The following SATB2 variants were observed in gnomAD, a reference collection of about 807,000 sequenced individuals.
The protein encoded by SATB2 is DNA-binding protein SATB2.
In SATB2, 1 loss-of-function variant was observed where a neutral mutation model predicts 73.4. The ratio of observed to expected loss-of-function variants is 0.01; its 90% CI spans 0.00 to 0.06. SATB2 has a LOEUF of 0.06. Ranked by LOEUF, SATB2 falls within the 10% of genes least tolerant of loss-of-function variation. The pLI, the probability that SATB2 is intolerant of heterozygous loss-of-function variation, is 1.00. For missense variants in SATB2, 459 were observed against 945.8 expected, an observed-to-expected ratio of 0.49 and a Z score of 6.75; for synonymous variants, 397 against 367.0, an observed-to-expected ratio of 1.08 and a Z score of -0.93.
At chr2:199,281,480 T>TACACAC (rs770015505) in intron 10 of SATB2, among the ~76,000 whole-genome samples, 5 of 15,106 alleles carry the variant, frequency 3.3e-4, no homozygotes, top group East Asian at 0.014. Context: ...ATATGAGATA[T>TACACAC]ATACACACAC....
intron 9 of SATB2, among the ~76,000 whole-genome samples, chr2:199,321,494 G>GTATATATGTA (rs1559160120): frequency 3.7e-4 from 55 of 150,578 alleles, no homozygotes; most frequent in Admixed American, 5.3e-4. Flanking sequence ...GTATATATGT[G>GTATATATGTA]TATATACACA....
chr2:199,427,562 G>A (rs908015147), intron 3 of SATB2, among the ~76,000 whole-genome samples: 1 of 151,828 alleles, frequency 6.6e-6, no homozygotes, highest in African/African-American at 2.4e-5. Flanking sequence ...AAATATTATG[G>A]ATAAAATATA....
chr2:199,319,442 C>T (rs1017674972), intron 9 of SATB2, among the ~76,000 whole-genome samples: 4 of 152,080 alleles, frequency 2.6e-5, no homozygotes, highest in Admixed American at 1.3e-4. Context: ...TCTGGCACTA[C>T]CCCCTTTCAT....
rs561350751 is a variant in SATB2 at position 199,446,813 on chromosome 2, G to A, written c.169+9056C>T. On this transcript the variant is annotated intron_variant, in intron 2 of 10. Transcript: ENST00000417098. ...ACTCTAAAAGGGATGATAAATGCTC[G>A]GGAGAGTTCTGAAATTATGAGACCT... Among the ~76,000 whole-genome samples the A allele has an allele frequency of 5.9e-5, 9 of 152,194 alleles. No homozygotes were observed. In the East Asian group the frequency reaches 7.7e-4, roughly 13 times the overall value.
Position 199,313,745 on chromosome 2 carries a change from T to C in SATB2, c.1543-4788A>G, listed in dbSNP as rs1687656213. On this transcript the variant is annotated intron_variant, in intron 9 of 10. Transcript: ENST00000417098. The stretch of plus-strand genomic sequence containing the variant: ...TTCTTTCTGGAAGATGAATAAAAAA[T>C]TCCTAGTTTATCTTTTATTAAGTTG... Among the ~76,000 whole-genome samples, 3 of 152,220 alleles carry C rather than the reference T, an allele frequency of 2.0e-5. No homozygotes were observed. In the South Asian group the frequency reaches 6.2e-4, roughly 31 times the overall value.
At chr2:199,428,768 A>G (rs1691410325) in intron 3 of SATB2, among the ~76,000 whole-genome samples, 1 of 152,206 alleles carries the variant, frequency 6.6e-6, no homozygotes, top group Non-Finnish European at 1.5e-5. Context: ...ATAGTGGCTC[A>G]CACCTTTAAT....
At chr2:199,459,437 G>A (rs1692410728), upstream of SATB2, among the ~76,000 whole-genome samples, 1 of 152,178 alleles carries the variant, frequency 6.6e-6, no homozygotes, top group Non-Finnish European at 1.5e-5. This position sits in a 1 kb window ranked among gnomAD's most constrained non-coding sequence, Gnocchi z 4.2. Context: ...TTCCGCTTGG[G>A]CGCGCTGCCT....
In SATB2 at chr2:199,272,181, A is replaced by G; in HGVS notation, c.*30T>C. On this transcript the variant is annotated 3_prime_UTR_variant, in exon 11 of 11. Transcript: ENST00000417098. The surrounding 1 kb of genome is among the most constrained non-coding windows in gnomAD (Gnocchi z 6.7). Reference sequence around the variant, plus strand: ...ATGAAAGCAGAAAATCCTTGGACCGATGTATTGCTTTGCCTAGTAGAAGTT... The same window carrying G: ...ATGAAAGCAGAAAATCCTTGGACCGGTGTATTGCTTTGCCTAGTAGAAGTT... 6.3e-7 allele frequency: 1 copy of G among 1,584,468 alleles called. No homozygotes were observed. Among genetic ancestry groups the G allele is most frequent in the Non-Finnish European group, 8.7e-7 (1 of 1,153,792 alleles).
chr2:199,452,978 G>A (rs990051394), intron 2 of SATB2, among the ~76,000 whole-genome samples: 5 of 152,034 alleles, frequency 3.3e-5, no homozygotes, highest in African/African-American at 1.2e-4. Flanking sequence ...TAAGTCCCCT[G>A]TTAAAACACA....
intron 6 of SATB2, among the ~76,000 whole-genome samples, chr2:199,353,468 T>C (rs1288179481): frequency 6.6e-6 from 1 of 152,050 alleles, no homozygotes; most frequent in Non-Finnish European, 1.5e-5. Flanking sequence ...TTTACCTAAA[T>C]TGAAAACATT....
chr2:199,289,978 G>A (rs1243081285), intron 10 of SATB2, among the ~76,000 whole-genome samples: 1 of 152,194 alleles, frequency 6.6e-6, no homozygotes, highest in African/African-American at 2.4e-5. Context: ...CGAACATCTT[G>A]CTAAAGGCCC....
intron 6 of SATB2, among the ~76,000 whole-genome samples, chr2:199,354,623 T>C (rs1190631631): frequency 6.6e-6 from 1 of 152,140 alleles, no homozygotes; most frequent in African/African-American, 2.4e-5. Flanking sequence ...TTCCAACATC[T>C]GGGGAAAGGT....
At chr2:199,431,770 A>C (rs748328754) in intron 3 of SATB2, among the ~76,000 whole-genome samples, 18 of 152,096 alleles carry the variant, frequency 1.2e-4, no homozygotes, top group Admixed American at 1.2e-3. Flanking sequence ...TCTGTGTTCC[A>C]CATGTGAGCT....
At chr2:199,310,201 G>C (rs1045382174) in intron 9 of SATB2, among the ~76,000 whole-genome samples, 1 of 152,194 alleles carries the variant, frequency 6.6e-6, no homozygotes, top group African/African-American at 2.4e-5. Flanking sequence ...AGCAGCTGTA[G>C]GCACTGAACT....
At chr2:199,336,610 A>T (rs1040550281) in intron 7 of SATB2, among the ~76,000 whole-genome samples, 1 of 152,174 alleles carries the variant, frequency 6.6e-6, no homozygotes, top group African/African-American at 2.4e-5. Flanking sequence ...TTCCTGCTGA[A>T]ATATTTCTGC....
Position 199,350,146 on chromosome 2 carries a change from C to A in SATB2, c.701-973G>T, listed in dbSNP as rs1027486357. On this transcript the variant is annotated intron_variant, in intron 6 of 10. Coordinates refer to ENST00000417098, the MANE Select transcript of SATB2 (RefSeq NM_001172509.2). Reference sequence around the variant, plus strand: ...GATCTCTTTTTCAAAGCAAAAAATCCATACAAATTTAGAAATTATTTCTTA... The same window carrying A: ...GATCTCTTTTTCAAAGCAAAAAATCAATACAAATTTAGAAATTATTTCTTA... Among the ~76,000 whole-genome samples the A allele has an allele frequency of 5.9e-5, 9 of 152,138 alleles. No individual in the cohort carries two copies. In the South Asian group the frequency reaches 8.3e-4, roughly 14 times the overall value.
At chr2:199,301,694 A>G (rs937862805) in intron 10 of SATB2, among the ~76,000 whole-genome samples, 4 of 152,140 alleles carry the variant, frequency 2.6e-5, no homozygotes, top group African/African-American at 9.7e-5. Context: ...GGCATGGTAA[A>G]AAGTCATGAG....
chr2:199,354,132 C>T (rs550210406), intron 6 of SATB2, among the ~76,000 whole-genome samples: 8 of 152,188 alleles, frequency 5.3e-5, no homozygotes, highest in African/African-American at 1.4e-4. Flanking sequence ...CCAAGGAGGG[C>T]GGATCACTTG....
rs757423988 is a variant in SATB2 at position 199,381,676 on chromosome 2, ATGT to A, written c.473+15_473+17del. On this transcript the variant is annotated intron_variant, in intron 4 of 10. Coordinates refer to ENST00000417098, the MANE Select transcript of SATB2 (RefSeq NM_001172509.2). ...CAGCTCTGACAGTAAGGAAAAGCAGATGTTCAGAAACACCCACCTTTGTAATTG... is the reference window on the plus strand; with the variant it reads ...CAGCTCTGACAGTAAGGAAAAGCAGATCAGAAACACCCACCTTTGTAATTG... 6.2e-7 allele frequency: 1 copy of A among 1,613,912 alleles called. No individual in the cohort carries two copies. The highest frequency in any genetic ancestry group is 1.7e-5 in the Admixed American group (1 of 60,006).
Sources: gnomAD v4.1 joint callset for allele counts (sites outside exome capture counted in the v4.1 genomes callset) on GRCh38, gnomAD v4.1.1 for gene constraint, Gnocchi (gnomAD v3.1) non-coding constraint, MANE v1.5 for transcripts, NCBI Gene and HGNC (gene_info 2026-07-23, HGNC 2026-07-21) for gene names.